Variants in CAMK2D observed in about 807,000 individuals in gnomAD.
The protein encoded by CAMK2D is calcium/calmodulin dependent protein kinase II delta, also known as calcium/calmodulin-dependent protein kinase type II subunit delta.
CAMK2D carries 37 observed loss-of-function variants against 84.0 expected under a neutral mutation model. The ratio of observed to expected loss-of-function variants is 0.44; its 90% CI spans 0.34 to 0.58. The LOEUF is 0.58. CAMK2D is among the 20% of genes least tolerant of loss of function. The pLI is 0.02. For missense variants in CAMK2D, 448 were observed against 652.5 expected (o/e 0.69, Z 3.41); for synonymous variants, 202 against 212.5 (o/e 0.95, Z 0.43).
chr4:113,692,305 A>G (rs1370355847), intron 2 of CAMK2D, among the ~76,000 whole-genome samples: 1 of 152,130 alleles, frequency 6.6e-6, no homozygotes, highest in Non-Finnish European at 1.5e-5. Flanking sequence ...ATCGTTCACT[A>G]CATTAAAATA....
chr4:113,575,007 C>G (rs1444152750), intron 4 of CAMK2D, among the ~76,000 whole-genome samples: 1 of 152,180 alleles, frequency 6.6e-6, no homozygotes, highest in Non-Finnish European at 1.5e-5. Flanking sequence ...TCTGTGCACT[C>G]ACTTCTTCAA....
intron 16 of CAMK2D, among the ~76,000 whole-genome samples, chr4:113,484,751 G>A (rs1589975278): frequency 6.6e-6 from 1 of 151,896 alleles, no homozygotes; most frequent in East Asian, 1.9e-4. Flanking sequence ...GTTCTTTGGG[G>A]GCTCTTTACA....
intron 2 of CAMK2D, among the ~76,000 whole-genome samples, chr4:113,732,704 T>C (rs2099572056): frequency 6.6e-6 from 1 of 152,152 alleles, no homozygotes; most frequent in African/African-American, 2.4e-5. Flanking sequence ...GTTTAAGTCA[T>C]CAAAGAAATG....
chr4:113,522,426 T>C (rs1190887223), intron 8 of CAMK2D, among the ~76,000 whole-genome samples: 1 of 152,100 alleles, frequency 6.6e-6, no homozygotes, highest in African/African-American at 2.4e-5. Flanking sequence ...TCATCATACA[T>C]TTCAAGTAGA....
chr4:113,587,912 GA>G (rs2098841356), intron 4 of CAMK2D, among the ~76,000 whole-genome samples: 1 of 152,066 alleles, frequency 6.6e-6, no homozygotes, highest in Non-Finnish European at 1.5e-5. Flanking sequence ...CAAATATGAT[GA>G]TGATGTCATC....
chr4:113,498,566 A>G (rs1169851472), intron 16 of CAMK2D, among the ~76,000 whole-genome samples: 1 of 152,168 alleles, frequency 6.6e-6, no homozygotes, highest in African/African-American at 2.4e-5. Context: ...TAAACGATCA[A>G]CTGGACATTT....
At chr4:113,652,600 C>G (rs12644326) in intron 3 of CAMK2D, among the ~76,000 whole-genome samples, 11,029 of 152,140 alleles carry the variant, frequency 0.072, 443 homozygotes, top group East Asian at 0.17. Flanking sequence ...CTGCACAACT[C>G]AAGCCCCAAC....
chr4:113,537,353 G>C lies in CAMK2D; in HGVS notation c.505C>G (p.Gln169Glu). 1.2e-6 allele frequency: 2 copies of C among 1,601,586 alleles called. No homozygotes were observed. The highest frequency in any genetic ancestry group is 1.1e-5 in the South Asian group (1 of 90,822). Residue 169 changes from glutamine (Q) to glutamate (E), a missense_variant, in exon 7 of 21, where the codon CAG becomes GAG. Physicochemically the swap from Gln to Glu is conservative, Grantham distance 29. Around this residue, in one of 7 missense-constraint regions of CAMK2D, gnomAD observed 60 missense variants for 70.0 expected, o/e 0.86. Coordinates refer to ENST00000511664, the MANE Select transcript of CAMK2D (RefSeq NM_001321571.2). ...GGGCCCTACTCACCAAACCACGCCT[G>C]CTGGTCCCCTTGAACTTCTATGGCT... ...GLAIEVQGDQ[Q>E]AWFGFAGTPG...
At chr4:113,680,931 A>G (rs1175595969) in intron 2 of CAMK2D, among the ~76,000 whole-genome samples, 5 of 152,342 alleles carry the variant, frequency 3.3e-5, no homozygotes, top group African/African-American at 1.2e-4. Flanking sequence ...CCCTGTGAGA[A>G]AGGTGGGTCT....
intron 16 of CAMK2D, among the ~76,000 whole-genome samples, chr4:113,466,664 CATG>C (rs984040252): frequency 3.3e-5 from 5 of 152,236 alleles, no homozygotes; most frequent in Admixed American, 6.5e-5. Context: ...CAACACCAAT[CATG>C]ATTTGTTTCT....
intron 3 of CAMK2D, among the ~76,000 whole-genome samples, chr4:113,625,972 C>T (rs2099066476): frequency 6.6e-6 from 1 of 151,536 alleles, no homozygotes; most frequent in South Asian, 2.1e-4. Context: ...CAAGATTGCA[C>T]CACTGCACCC....
At chr4:113,566,092 A>G (rs2154216325) in intron 4 of CAMK2D, among the ~76,000 whole-genome samples, 1 of 152,270 alleles carries the variant, frequency 6.6e-6, no homozygotes, top group South Asian at 2.1e-4. Flanking sequence ...GGAGAGTTTC[A>G]TGCTAAAGGG....
chr4:113,595,338 TAAGTG>T (rs1335768952), intron 4 of CAMK2D, among the ~76,000 whole-genome samples: 5 of 152,128 alleles, frequency 3.3e-5, no homozygotes, highest in Non-Finnish European at 5.9e-5. Context: ...AAAGAAGGAA[TAAGTG>T]AAGACAATAA....
intron 2 of CAMK2D, among the ~76,000 whole-genome samples, chr4:113,713,544 A>C (rs2099501305): frequency 6.7e-6 from 1 of 148,382 alleles, no homozygotes; most frequent in East Asian, 1.9e-4. Context: ...AGTATTATTA[A>C]TATGACTCTT....
intron 3 of CAMK2D, among the ~76,000 whole-genome samples, chr4:113,630,835 A>T (rs895008063): frequency 6.6e-6 from 1 of 152,188 alleles, no homozygotes; most frequent in Non-Finnish European, 1.5e-5. Context: ...ACTGGCTGCA[A>T]GAAAGACTAG....
chr4:113,712,101 T>C (rs1277437785), intron 2 of CAMK2D, among the ~76,000 whole-genome samples: 2 of 152,256 alleles, frequency 1.3e-5, no homozygotes, highest in Middle Eastern at 3.4e-3. Flanking sequence ...TGAACTTTCT[T>C]AAAATCTAAG....
chr4:113,613,831 C>T (rs1279456096), intron 3 of CAMK2D, among the ~76,000 whole-genome samples: 2 of 151,902 alleles, frequency 1.3e-5, no homozygotes, highest in East Asian at 3.9e-4. Flanking sequence ...TTAACTTTCA[C>T]ATCATGGACA....
Position 113,677,050 on chromosome 4 carries a change from T to C in CAMK2D, c.161-15278A>G, listed in dbSNP as rs932282372. Among the ~76,000 whole-genome samples the C allele has an allele frequency of 4.9e-4, 74 of 152,322 alleles. 1 individual carries two copies. The highest frequency in any genetic ancestry group is 1.7e-3 in the African/African-American group (72 of 41,584). ...AATTCAGCCTCACTCCCCTACACTA[T>C]TGGGTTGCCTTTAGAACCTTTGTGC... On this transcript the variant is annotated intron_variant, in intron 2 of 20. Transcript: ENST00000511664.
At chr4:113,650,482 A>T (rs1483431105) in intron 3 of CAMK2D, among the ~76,000 whole-genome samples, 1 of 149,424 alleles carries the variant, frequency 6.7e-6, no homozygotes, top group Non-Finnish European at 1.5e-5. Context: ...GTGACACTGC[A>T]CTCTAGCCTG....
Sources: gnomAD v4.1 joint callset for allele counts (sites outside exome capture counted in the v4.1 genomes callset) on GRCh38, gnomAD v4.1.1 for gene constraint, gnomAD v4.1.1 regional missense constraint, MANE v1.5 for transcripts, NCBI Gene and HGNC (gene_info 2026-07-23, HGNC 2026-07-21) for gene names.